ROBO2: variants seen among roughly 807,000 people sequenced by gnomAD.
ROBO2 encodes roundabout homolog 2.
A neutral mutation model predicts 160.8 loss-of-function variants in ROBO2; 53 were observed. The observed-to-expected ratio is 0.33, with a 90% confidence interval of 0.26 to 0.41. The LOEUF is 0.41. ROBO2 is among the 10% of genes least tolerant of loss of function. ROBO2 has a pLI of 1.00. For missense variants in ROBO2, 1,577 were observed against 1,722.4 expected, an observed-to-expected ratio of 0.92 and a Z score of 1.49; for synonymous variants, 664 against 611.7, an observed-to-expected ratio of 1.09 and a Z score of -1.26.
intron 2 of ROBO2, among the ~76,000 whole-genome samples, chr3:76,903,139 A>G (rs2075348242): frequency 1.3e-5 from 2 of 152,212 alleles, no homozygotes; most frequent in East Asian, 3.9e-4. Flanking sequence ...AGAAAAAATG[A>G]CCGATATTGA....
intron 2 of ROBO2, among the ~76,000 whole-genome samples, chr3:76,816,470 G>A (rs1189181519): frequency 2.6e-5 from 4 of 151,990 alleles, no homozygotes; most frequent in African/African-American, 7.2e-5. Flanking sequence ...TGTAGCAGTG[G>A]CCATAATTGC....
rs1285179375 is a variant in ROBO2 at position 77,642,956 on chromosome 3, CAGTCCCAAGAA to C, written c.3935-1744_3935-1734del. On this transcript the variant is annotated intron_variant, in intron 24 of 25. Coordinates refer to ENST00000461745, the Ensembl canonical transcript of ROBO2. Reference sequence around the variant, plus strand: ...GGTGTCGGATCAGGTGTGTTCTGCACAGTCCCAAGAAAGTGTGGACTGTTACCATTTCTTTT... The same window carrying C: ...GGTGTCGGATCAGGTGTGTTCTGCACAGTGTGGACTGTTACCATTTCTTTT... 6.6e-6 allele frequency: 3 copies of C among 456,236 alleles called. No individual in the cohort carries two copies. Among genetic ancestry groups the C allele is most frequent in the African/African-American group, 6.0e-5 (3 of 50,074 alleles). The allele number at this position is 456,236 out of a possible 1,614,324, so 28.3% of individuals were successfully genotyped here. A position where few individuals can be genotyped will look rare whatever the true frequency, so the allele number is the denominator to read the frequency against.
chr3:77,522,848 A>G (rs766038994), exon 6 of ROBO2: 1 of 1,609,720 alleles, frequency 6.2e-7, no homozygotes, highest in Admixed American at 1.7e-5. Context: ...CTATATGTGT[A>G]TTGCTGAGAA....
intron 2 of ROBO2, among the ~76,000 whole-genome samples, chr3:76,014,332 T>C (rs1266110902): frequency 7.2e-6 from 1 of 138,884 alleles, no homozygotes; most frequent in East Asian, 2.1e-4. Flanking sequence ...AGAAGTAATA[T>C]GTATAAAGGC....
At chr3:77,366,543 C>A (rs1194288346) in intron 2 of ROBO2, among the ~76,000 whole-genome samples, 1 of 152,050 alleles carries the variant, frequency 6.6e-6, no homozygotes, top group Non-Finnish European at 1.5e-5. Flanking sequence ...AAATAAATTT[C>A]TAGGGTTCAT....
intron 2 of ROBO2, among the ~76,000 whole-genome samples, chr3:76,854,052 C>G (rs868234781): frequency 2.2e-5 from 2 of 90,280 alleles, no homozygotes; most frequent in African/African-American, 7.9e-5. Flanking sequence ...CTCTCTCTCT[C>G]TCTCTCTCTC....
chr3:77,610,081 G>A (rs969173065), intron 21 of ROBO2, among the ~76,000 whole-genome samples: 1 of 151,404 alleles, frequency 6.6e-6, no homozygotes, highest in African/African-American at 2.4e-5. Flanking sequence ...GATTGGGCAT[G>A]ATTTTGTCCA....
At chr3:77,489,513 C>T (rs759336760) in intron 4 of ROBO2, among the ~76,000 whole-genome samples, 1 of 152,024 alleles carries the variant, frequency 6.6e-6, no homozygotes, top group Non-Finnish European at 1.5e-5. Flanking sequence ...CCATATAAAA[C>T]AATGAGGCTT....
At chr3:77,148,392 C>T (rs1358323995) in intron 2 of ROBO2, among the ~76,000 whole-genome samples, 1 of 152,204 alleles carries the variant, frequency 6.6e-6, no homozygotes. Flanking sequence ...TTGGTAGGTA[C>T]TTCCCTCTTC....
intron 2 of ROBO2, among the ~76,000 whole-genome samples, chr3:75,973,213 T>C (rs1230596639): frequency 6.6e-6 from 1 of 151,628 alleles, no homozygotes. Flanking sequence ...GACTATAAGA[T>C]GGATAACTAC....
intron 2 of ROBO2, among the ~76,000 whole-genome samples, chr3:77,417,833 C>T (rs1274987990): frequency 6.6e-6 from 1 of 151,974 alleles, no homozygotes; most frequent in Non-Finnish European, 1.5e-5. Flanking sequence ...TAATGCAATG[C>T]TTTTTTCTGG....
chr3:76,813,489 G>A (rs958363732), intron 2 of ROBO2, among the ~76,000 whole-genome samples: 13 of 152,028 alleles, frequency 8.6e-5, no homozygotes, highest in Non-Finnish European at 1.5e-4. Flanking sequence ...ATTAAAATAT[G>A]CTGCCTTTTT....
rs141820259 is a variant in ROBO2, at chr3:76,490,840, T to G, written c.109+553238T>G. On this transcript the variant is annotated intron_variant, in intron 2 of 26. Coordinates refer to the ROBO2 transcript ENST00000487694. ...ATTTTTATTTAGGGTTATTTAAAGC[T>G]TTAAAAATCAATAGATTAAAAATAG... 1.1e-4 allele frequency among the ~76,000 whole-genome samples: 17 copies of G among 152,248 alleles called. 1 individual carries two copies. In the East Asian group the frequency reaches 3.3e-3, roughly 29 times the overall value.
At chr3:76,438,026 T>C (rs1397465923) in intron 2 of ROBO2, among the ~76,000 whole-genome samples, 1 of 152,148 alleles carries the variant, frequency 6.6e-6, no homozygotes, top group Non-Finnish European at 1.5e-5. Flanking sequence ...AGGTTAAGCA[T>C]ATACAGTTCC....
At chr3:76,129,112 G>A (rs770231863) in intron 2 of ROBO2, among the ~76,000 whole-genome samples, 2 of 151,686 alleles carry the variant, frequency 1.3e-5, no homozygotes, top group Non-Finnish European at 2.9e-5. Flanking sequence ...ACTAAAGTTT[G>A]GAACTGTGAT....
At chr3:76,875,029 G>A (rs535318154) in intron 2 of ROBO2, among the ~76,000 whole-genome samples, 2 of 152,280 alleles carry the variant, frequency 1.3e-5, no homozygotes, top group South Asian at 4.1e-4. Flanking sequence ...GAAACTAATG[G>A]CCAAAAGAGG....
At chr3:75,970,172 C>T (rs1048046672) in intron 2 of ROBO2, among the ~76,000 whole-genome samples, 1 of 151,464 alleles carries the variant, frequency 6.6e-6, no homozygotes, top group African/African-American at 2.4e-5. Context: ...CAAGTATCTT[C>T]TACACCTCCT....
intron 2 of ROBO2, among the ~76,000 whole-genome samples, chr3:76,979,744 TACAC>T (rs138996245): frequency 0.12 from 17,544 of 147,500 alleles, 1,262 homozygotes; most frequent in Admixed American, 0.21. Context: ...TTACTTTTCT[TACAC>T]ACACACACAC....
At chr3:76,055,783 G>C (rs1468171873) in intron 2 of ROBO2, among the ~76,000 whole-genome samples, 1 of 151,134 alleles carries the variant, frequency 6.6e-6, no homozygotes, top group Non-Finnish European at 1.5e-5. Flanking sequence ...TTTTTGAGAC[G>C]GAGTCTCGCT....
Sources: allele counts gnomAD v4.1 joint callset (sites outside exome capture counted in the v4.1 genomes callset), GRCh38; gene constraint gnomAD v4.1.1; transcripts MANE v1.5; gene names NCBI Gene and HGNC (gene_info 2026-07-23, HGNC 2026-07-21).